The following ALDH6A1 variants were observed in gnomAD, a reference collection of about 807,000 sequenced individuals.
ALDH6A1 encodes the protein aldehyde dehydrogenase 6 family member A1.
A neutral mutation model predicts 62.6 loss-of-function variants in ALDH6A1; 43 were observed. The ratio of observed to expected loss-of-function variants is 0.69; its 90% CI spans 0.54 to 0.89. The LOEUF (loss-of-function observed/expected upper bound fraction) is 0.89, where lower values mean the gene tolerates loss of function less well. Among genes scored for constraint, ALDH6A1 ranks in the 40% least tolerant of loss-of-function variants. The pLI, the probability that ALDH6A1 is intolerant of heterozygous loss-of-function variation, is 0.00. For synonymous variants in ALDH6A1, 194 were observed against 234.2 expected (o/e 0.83, Z 1.57); for missense variants, 551 against 661.3 (o/e 0.83, Z 1.83).
intron 11 of ALDH6A1, among the ~76,000 whole-genome samples, chr14:74,062,051 G>GAAAAA (rs369414700): frequency 3.2e-4 from 19 of 59,610 alleles, no homozygotes; most frequent in African/African-American, 1.0e-3. Context: ...TCTCTACTGG[G>GAAAAA]AAAAAAAAAA....
rs2139709964 is a variant in ALDH6A1, at chr14:74,058,897, C to T, written c.*1745G>A. On this transcript the variant is annotated 3_prime_UTR_variant, in exon 12 of 12. Coordinates refer to ENST00000553458, the MANE Select transcript of ALDH6A1 (RefSeq NM_005589.4). ...GTCGGGAGTTCGAGACCAGCCTGACCAACATGGAGAAACCCTGTCTCTACT... is the reference window on the plus strand; with the variant it reads ...GTCGGGAGTTCGAGACCAGCCTGACTAACATGGAGAAACCCTGTCTCTACT... The T allele has an allele frequency of 6.6e-6, 1 of 152,386 alleles. No individual in the cohort carries two copies. The highest frequency in any genetic ancestry group is 2.1e-4 in the South Asian group (1 of 4,842). 9.4% of individuals were successfully genotyped at this position (152,386 alleles called of 1,614,324 possible).
At chr14:74,075,120 A>G (rs2060597663) in intron 1 of ALDH6A1, 103 bp from the exon 2 acceptor site, 1 of 1,029,400 alleles carries the variant, frequency 9.7e-7, no homozygotes, top group South Asian at 1.4e-5. Context: ...TATAGGGGGT[A>G]TGTTTCTCTC....
chr14:74,062,568 T>C (rs1187403909), intron 11 of ALDH6A1, among the ~76,000 whole-genome samples: 1 of 152,000 alleles, frequency 6.6e-6, no homozygotes, highest in African/African-American at 2.4e-5. Context: ...GCCACTATAC[T>C]CCAGCCTGGG....
At chr14:74,076,731 G>A (rs1038835804) in intron 1 of ALDH6A1, among the ~76,000 whole-genome samples, 6 of 151,890 alleles carry the variant, frequency 4.0e-5, no homozygotes, top group Non-Finnish European at 8.8e-5. Flanking sequence ...TGTATTTTTA[G>A]TAGAGATGGG....
Position 74,084,365 on chromosome 14 carries a change from C to G in ALDH6A1, c.30G>C (p.Val10=). 1.2e-6 allele frequency: 2 copies of G among 1,613,158 alleles called. No homozygotes were observed. The highest frequency in any genetic ancestry group is 8.5e-7 in the Non-Finnish European group (1 of 1,179,842). MAALLAAAA[V]RARILQVSSK... ...CACTCGCCTGCAGGATCCGGGCTCG[C>G]ACTGCCGCCGCCGCCAATAGCGCCG... Residue 10 remains valine, a synonymous_variant, in exon 1 of 12, where the codon GTG becomes GTC. Coordinates refer to ENST00000553458, the MANE Select transcript of ALDH6A1 (RefSeq NM_005589.4).
chr14:74,071,113 T>C (rs2060543028), intron 6 of ALDH6A1, 82 bp downstream of exon 6: 1 of 1,326,038 alleles, frequency 7.5e-7, no homozygotes, highest in African/African-American at 1.4e-5. Context: ...GTAGGTTCCT[T>C]ATCCTAAAAC....
Position 74,084,405 on chromosome 14 carries a change from C to T in ALDH6A1, c.-11G>A, listed in dbSNP as rs748972857. 6.2e-7 allele frequency: 1 copy of T among 1,612,856 alleles called. No individual in the cohort carries two copies. The highest frequency in any genetic ancestry group is 8.5e-7 in the Non-Finnish European group (1 of 1,179,838). On this transcript the variant is annotated 5_prime_UTR_variant, in exon 1 of 12. Coordinates refer to ENST00000553458, the MANE Select transcript of ALDH6A1 (RefSeq NM_005589.4). ...CAATAGCGCCGCCATGGCTCTCGGC[C>T]GCCCTAGCTCCGCACCCCGCGCCTC...
At chr14:74,083,028 C>T (rs944345723) in intron 1 of ALDH6A1, among the ~76,000 whole-genome samples, 7 of 152,164 alleles carry the variant, frequency 4.6e-5, no homozygotes, top group South Asian at 2.1e-4. Context: ...TTTCCTGCTA[C>T]TAAAAAAAGA....
rs552026685 is a variant in ALDH6A1, at chr14:74,084,351, A to T, written c.44T>A (p.Leu15Gln). 102 of 1,613,656 alleles carry T rather than the reference A, an allele frequency of 6.3e-5. 1 individual carries two copies. The South Asian group carries it at 1.1e-3, about 17-fold the overall frequency. ...LAAAAVRARILQVSSKVKSSP... is the reference protein window; with the variant it reads ...LAAAAVRARIQQVSSKVKSSP... ...CTTGGCACCACCCTCACTCGCCTGCAGGATCCGGGCTCGCACTGCCGCCGC... is the reference window on the plus strand; with the variant it reads ...CTTGGCACCACCCTCACTCGCCTGCTGGATCCGGGCTCGCACTGCCGCCGC... The change falls in exon 1 of 12, where the codon CTG (leucine) becomes CAG (glutamine). Residue 15 changes from leucine (L) to glutamine (Q), a missense_variant. Transcript: ENST00000553458.
At chr14:74,068,666 C>A (rs1015225037) in intron 7 of ALDH6A1, among the ~76,000 whole-genome samples, 194 bp downstream of exon 7, 1 of 151,976 alleles carries the variant, frequency 6.6e-6, no homozygotes, top group African/African-American at 2.4e-5. Context: ...TCGCTTGAAC[C>A]CGGGAGGCAG....
At chr14:74,078,401 T>C (rs1013327966) in intron 1 of ALDH6A1, 1 of 356,150 alleles carries the variant, frequency 2.8e-6, no homozygotes, top group Non-Finnish European at 5.5e-6. Flanking sequence ...TCTCCTAGGC[T>C]GGAATGCAGT....
At chr14:74,083,329 G>A (rs969815024) in intron 1 of ALDH6A1, among the ~76,000 whole-genome samples, 3 of 152,124 alleles carry the variant, frequency 2.0e-5, no homozygotes, top group Admixed American at 6.5e-5. Flanking sequence ...TCTTGCCTGC[G>A]GTAAATCTTG....
At chr14:74,073,743 C>T (rs776838999) in intron 2 of ALDH6A1, among the ~76,000 whole-genome samples, 25 of 151,646 alleles carry the variant, frequency 1.6e-4, no homozygotes, top group Non-Finnish European at 3.2e-4. Flanking sequence ...CATGGTGAAA[C>T]CTTGTCTCTA....
chr14:74,062,156 C>G (rs1359055509), intron 11 of ALDH6A1, among the ~76,000 whole-genome samples: 1 of 151,046 alleles, frequency 6.6e-6, no homozygotes, highest in Non-Finnish European at 1.5e-5. Flanking sequence ...GAGAATGCAC[C>G]ATTGCACTCC....
intron 11 of ALDH6A1, 40 bp from the exon 12 acceptor site, chr14:74,060,786 G>T: frequency 7.1e-7 from 1 of 1,407,006 alleles, no homozygotes; most frequent in Non-Finnish European, 1.0e-6. Context: ...TATTTCTGGG[G>T]TTTCATGATT....
In ALDH6A1 at chr14:74,058,043, C is replaced by A; in HGVS notation, c.*2599G>T. 3 of 467,330 alleles carry A rather than the reference C, an allele frequency of 6.4e-6. No individual in the cohort carries two copies. Among genetic ancestry groups the A allele is most frequent in the Non-Finnish European group, 8.4e-6 (3 of 356,208 alleles). The allele number at this position is 467,330 out of a possible 1,614,324, so 28.9% of individuals were successfully genotyped here. ...GTTGGATTGGATTAAATATCACTAC[C>A]AGGGCCAGGTGCGGTGGTTCACGCC... On this transcript the variant is annotated 3_prime_UTR_variant, in exon 12 of 12. Coordinates refer to ENST00000553458, the MANE Select transcript of ALDH6A1 (RefSeq NM_005589.4).
In ALDH6A1 at chr14:74,071,945, T is replaced by C; in HGVS notation, c.378A>G (p.Glu126=). Residue 126 remains glutamate (E), a synonymous_variant, in exon 5 of 12, where the codon GAA becomes GAG. Transcript: ENST00000553458. Reference sequence around the variant, plus strand: ...CAGCATCAGCTAGGGTCTTCCCTTGTTCCAATGTGATTAACTTGGCAATTT... The same window carrying C: ...CAGCATCAGCTAGGGTCTTCCCTTGCTCCAATGTGATTAACTTGGCAATTT... The part of the protein sequence containing the change: ...LKEIAKLITL[E]QGKTLADAEG... 1 of 1,614,244 alleles carries C rather than the reference T, an allele frequency of 6.2e-7. No individual in the cohort carries two copies. The highest frequency in any genetic ancestry group is 8.5e-7 in the Non-Finnish European group (1 of 1,180,034).
chr14:74,069,769 A>G, intron 6 of ALDH6A1, among the ~76,000 whole-genome samples: 1 of 151,966 alleles, frequency 6.6e-6, no homozygotes, highest in Non-Finnish European at 1.5e-5. Context: ...AATAAAAAAT[A>G]TAAAAATAAA....
rs898762574 is a variant in ALDH6A1 at position 74,060,137 on chromosome 14, T to C, written c.*505A>G. On this transcript the variant is annotated 3_prime_UTR_variant, in exon 12 of 12. Coordinates refer to ENST00000553458, the MANE Select transcript of ALDH6A1 (RefSeq NM_005589.4). The stretch of plus-strand genomic sequence containing the variant: ...TCTTCTTGCAATTATTGGAACATCT[T>C]CTTTAAAAAATTTTTTTTCCCTTTT... The C allele has an allele frequency of 2.5e-5, 4 of 158,828 alleles. No individual in the cohort carries two copies. Among genetic ancestry groups the C allele is most frequent in the Middle Eastern group, 6.8e-3 (2 of 296 alleles). 9.8% of individuals were successfully genotyped at this position (158,828 alleles called of 1,614,324 possible).
Sources: gnomAD v4.1 joint callset for allele counts (sites outside exome capture counted in the v4.1 genomes callset) on GRCh38, gnomAD v4.1.1 for gene constraint, MANE v1.5 for transcripts, NCBI Gene and HGNC (gene_info 2026-07-23, HGNC 2026-07-21) for gene names.